LDLRAD4: variants seen among roughly 807,000 people sequenced by gnomAD.
The protein encoded by LDLRAD4 is low-density lipoprotein receptor class A domain-containing protein 4.
A neutral mutation model predicts 17.0 loss-of-function variants in LDLRAD4; 5 were observed. The ratio of observed to expected loss-of-function variants is 0.29; its 90% CI spans 0.15 to 0.62. LDLRAD4 has a LOEUF of 0.62. LDLRAD4 is among the 20% of genes least tolerant of loss of function. The probability of loss-of-function intolerance (pLI) is 0.84; values close to 1 mark genes in which losing one functional copy is unlikely to be tolerated. For synonymous variants in LDLRAD4, 168 were observed against 171.8 expected (o/e 0.98, Z 0.17); for missense variants, 340 against 424.7 (o/e 0.80, Z 1.75).
chr18:13,518,289 G>A (rs1358341357), intron 3 of LDLRAD4, among the ~76,000 whole-genome samples: 1 of 152,052 alleles, frequency 6.6e-6, no homozygotes, highest in Admixed American at 6.6e-5. Flanking sequence ...ACTTCCTACA[G>A]TCATTAGTTC....
intron 3 of LDLRAD4, among the ~76,000 whole-genome samples, chr18:13,439,154 T>C (rs1280951614): frequency 1.3e-5 from 2 of 152,136 alleles, no homozygotes; most frequent in Non-Finnish European, 2.9e-5. Flanking sequence ...CATTTTATGA[T>C]GCATTGAGCT....
At chr18:13,493,236 C>T (rs996439281) in intron 3 of LDLRAD4, among the ~76,000 whole-genome samples, 1 of 152,210 alleles carries the variant, frequency 6.6e-6, no homozygotes, top group Non-Finnish European at 1.5e-5. Flanking sequence ...CAAGTCTGCT[C>T]ATACTGGGAA....
chr18:13,248,652 T>G (rs571633109), intron 1 of LDLRAD4, among the ~76,000 whole-genome samples: 1 of 152,376 alleles, frequency 6.6e-6, no homozygotes, highest in African/African-American at 2.4e-5. Flanking sequence ...CACATAATAA[T>G]TACATATTTA....
intron 3 of LDLRAD4, among the ~76,000 whole-genome samples, chr18:13,505,822 A>C (rs1272086460): frequency 6.7e-6 from 1 of 149,028 alleles, no homozygotes; most frequent in Non-Finnish European, 1.5e-5. Context: ...TGTCTCAAAA[A>C]AACAAAAACA....
At position 13,481,848 on chromosome 18, in the gene LDLRAD4, G is replaced by T. The variant is rs564706264; in HGVS notation, c.181+43464G>T. Among the ~76,000 whole-genome samples, 8 of 103,908 alleles carry T rather than the reference G, an allele frequency of 7.7e-5. No homozygotes were observed. In the South Asian group the frequency reaches 3.4e-3, roughly 44 times the overall value. The allele number at this position is 103,908 out of a possible 152,430, so 68.2% of individuals were successfully genotyped here. A position where few individuals can be genotyped will look rare whatever the true frequency, so the allele number is the denominator to read the frequency against. Reference sequence around the variant, plus strand: ...GGACAGAAGGCTTCAACTTAGAAAAGATCTCCTGGAGGAAATGACAGAGCG... The same window carrying T: ...GGACAGAAGGCTTCAACTTAGAAAATATCTCCTGGAGGAAATGACAGAGCG... On this transcript the variant is annotated intron_variant, in intron 3 of 5. Transcript: ENST00000359446.
At position 13,347,145 on chromosome 18, in the gene LDLRAD4, T is replaced by A. The variant is rs1246893565; in HGVS notation, c.-382-40196T>A. Among the ~76,000 whole-genome samples, 10 of 152,212 alleles carry A rather than the reference T, an allele frequency of 6.6e-5. 1 individual carries two copies. Among genetic ancestry groups the A allele is most frequent in the Admixed American group, 6.5e-4 (10 of 15,278 alleles). ...TTAGCTGGTTATTTTGCTCATTAGT[T>A]GATGCAGTTTCTTCCTAGCCTCGAT... On this transcript the variant is annotated intron_variant, in intron 1 of 5. Coordinates refer to ENST00000359446, the Ensembl canonical transcript of LDLRAD4.
At chr18:13,228,418 C>T (rs1486598598) in intron 1 of LDLRAD4, among the ~76,000 whole-genome samples, 1 of 152,146 alleles carries the variant, frequency 6.6e-6, no homozygotes, top group Admixed American at 6.5e-5. Context: ...GTGTTTGTTA[C>T]TGGCTGAGGT....
chr18:13,393,297 GTTTC>G (rs985082784), intron 2 of LDLRAD4, among the ~76,000 whole-genome samples: 39 of 152,198 alleles, frequency 2.6e-4, no homozygotes, highest in African/African-American at 9.2e-4. Context: ...ACTTAAATCA[GTTTC>G]TTTACTACAG....
At chr18:13,226,505 T>G (rs1233819044) in intron 1 of LDLRAD4, among the ~76,000 whole-genome samples, 1 of 152,020 alleles carries the variant, frequency 6.6e-6, no homozygotes, top group Non-Finnish European at 1.5e-5. Flanking sequence ...TAAAAAACCT[T>G]TGCAAATTTG....
Position 13,645,565 on chromosome 18 carries a change from A to G in LDLRAD4, c.829A>G (p.Arg277Gly). 2 of 1,606,212 alleles carry G rather than the reference A, an allele frequency of 1.2e-6. No homozygotes were observed. The highest frequency in any genetic ancestry group is 1.7e-6 in the Non-Finnish European group (2 of 1,176,456). The change falls in exon 6 of 6, where the codon AGG becomes GGG. Residue 277 changes from arginine to glycine, a missense_variant. Transcript: ENST00000359446. This position sits in a 1 kb window ranked among gnomAD's most constrained non-coding sequence, Gnocchi z 5.7. ...CCATCACCAGCGCAGCAACGCACAC[A>G]GGGGCAGCAGACTGCAGTTTCAGCA...
intron 1 of LDLRAD4, among the ~76,000 whole-genome samples, chr18:13,243,480 G>A (rs561288484): frequency 1.2e-4 from 17 of 137,968 alleles, no homozygotes; most frequent in Middle Eastern, 4.8e-3. Context: ...CCTTCCATCC[G>A]TGCACCTACC....
intron 1 of LDLRAD4, among the ~76,000 whole-genome samples, chr18:13,251,748 G>C (rs1682297887): frequency 6.6e-6 from 1 of 152,348 alleles, no homozygotes; most frequent in Non-Finnish European, 1.5e-5. Context: ...GAAAGTACTT[G>C]GAAGAAGTAC....
intron 3 of LDLRAD4, among the ~76,000 whole-genome samples, chr18:13,476,099 CAG>C (rs1411458671): frequency 1.3e-5 from 2 of 152,094 alleles, no homozygotes; most frequent in African/African-American, 2.4e-5. Context: ...AAATCTGTAA[CAG>C]ATTTAAAACT....
Position 13,643,411 on chromosome 18 carries a change from A to C in LDLRAD4, c.389A>C (p.Glu130Ala), listed in dbSNP as rs537883586. ...GCCGCACCGCGGCTGGGCGCCTCGG[A>C]GGTAAGGGGCCCCAGGAGGTGATGG... The change falls in exon 5 of 6, where the codon GAG becomes GCG. Residue 130 changes from glutamate (E) to alanine (A), a missense_variant and splice_region_variant. Coordinates refer to ENST00000359446, the Ensembl canonical transcript of LDLRAD4. 1.6e-5 allele frequency: 16 copies of C among 985,386 alleles called. No homozygotes were observed. The African/African-American group carries it at 4.2e-4, about 26-fold the overall frequency. 61.0% of individuals were successfully genotyped at this position (985,386 alleles called of 1,614,324 possible). A position where few individuals can be genotyped will look rare whatever the true frequency, so the allele number is the denominator to read the frequency against.
At chr18:13,643,241 A>G (rs2042758287) in intron 4 of LDLRAD4, 118 bp from the exon 6 acceptor site, 1 of 635,210 alleles carries the variant, frequency 1.6e-6, no homozygotes, top group South Asian at 2.3e-5. Context: ...GCCTCGCTCC[A>G]CGTTTTATGC....
chr18:13,453,330 T>G (rs1475559687), intron 3 of LDLRAD4, among the ~76,000 whole-genome samples: 1 of 152,184 alleles, frequency 6.6e-6, no homozygotes, highest in Admixed American at 6.5e-5. Context: ...GATGTTTTTC[T>G]TGGAGGCCCA....
chr18:13,438,516 A>ATGT, intron 3 of LDLRAD4, 132 bp downstream of exon 4: 1 of 736,878 alleles, frequency 1.4e-6, no homozygotes, highest in East Asian at 2.5e-5. Flanking sequence ...CACAAAGGAA[A>ATGT]TGTTTTCTTC....
At chr18:13,270,194 T>C (rs538953241) in intron 1 of LDLRAD4, among the ~76,000 whole-genome samples, 16 of 151,854 alleles carry the variant, frequency 1.1e-4, no homozygotes, top group Non-Finnish European at 2.1e-4. Flanking sequence ...AAGATCCTGA[T>C]TGTACAAAAA....
At chr18:13,561,887 T>C (rs918958527) in intron 3 of LDLRAD4, 6 of 152,246 alleles carry the variant, frequency 3.9e-5, no homozygotes, top group African/African-American at 1.4e-4. Flanking sequence ...AACCACTGTT[T>C]TCTTTATATT....
Sources: allele counts gnomAD v4.1 joint callset (sites outside exome capture counted in the v4.1 genomes callset), GRCh38; gene constraint gnomAD v4.1.1; non-coding constraint Gnocchi (gnomAD v3.1); transcripts MANE v1.5; gene names NCBI Gene and HGNC (gene_info 2026-07-23, HGNC 2026-07-21).